The following SPIN1 variants were observed in gnomAD, a reference collection of about 807,000 sequenced individuals.
SPIN1 encodes spindlin 1.
In SPIN1, 3 loss-of-function variants were observed where a neutral mutation model predicts 26.0. That is an observed-to-expected ratio of 0.12 (90% CI 0.05 to 0.30). The LOEUF (loss-of-function observed/expected upper bound fraction) is 0.30. SPIN1 is among the 10% of genes least tolerant of loss of function. SPIN1 has a pLI of 1.00. For synonymous variants in SPIN1, 101 were observed against 116.5 expected, an observed-to-expected ratio of 0.87 and a Z score of 0.86; for missense variants, 126 against 333.4, an observed-to-expected ratio of 0.38 and a Z score of 4.84.
intron 3 of SPIN1, among the ~76,000 whole-genome samples, chr9:88,451,749 C>T (rs1357135289): frequency 1.3e-5 from 2 of 152,118 alleles, no homozygotes; most frequent in African/African-American, 2.4e-5. Context: ...TTAGTATAGA[C>T]AGGGTTTCAC....
At chr9:88,419,517 A>G (rs1481252636) in intron 1 of SPIN1, among the ~76,000 whole-genome samples, 1 of 152,202 alleles carries the variant, frequency 6.6e-6, no homozygotes, top group African/African-American at 2.4e-5. Flanking sequence ...AGAAGAAAAA[A>G]AAGAAAATTT....
intron 1 of SPIN1, among the ~76,000 whole-genome samples, chr9:88,424,883 A>G (rs1428928540): frequency 6.6e-6 from 1 of 152,190 alleles, no homozygotes; most frequent in Non-Finnish European, 1.5e-5. Context: ...ATGGAGGAAA[A>G]GAAGTAAAGC....
At chr9:88,444,862 T>C (rs1828212945) in intron 2 of SPIN1, among the ~76,000 whole-genome samples, 1 of 151,862 alleles carries the variant, frequency 6.6e-6, no homozygotes, top group African/African-American at 2.4e-5. Flanking sequence ...GGCTAATTTT[T>C]TTGTATTTTT....
chr9:88,457,350 G>A (rs1828491298), intron 3 of SPIN1, among the ~76,000 whole-genome samples: 2 of 151,960 alleles, frequency 1.3e-5, no homozygotes, highest in South Asian at 2.1e-4. Flanking sequence ...CCAACATGGC[G>A]AAACCCTGTC....
chr9:88,447,151 G>A (rs1245939713), intron 2 of SPIN1, among the ~76,000 whole-genome samples: 1 of 152,038 alleles, frequency 6.6e-6, no homozygotes, highest in South Asian at 2.1e-4. Flanking sequence ...GTATTGCTGT[G>A]TGTCAAGGTC....
chr9:88,471,516 G>A (rs533728430), intron 5 of SPIN1, among the ~76,000 whole-genome samples: 6 of 151,676 alleles, frequency 4.0e-5, no homozygotes, highest in Non-Finnish European at 8.8e-5. Context: ...TTAGCCAGGT[G>A]TGGTGGCAGG....
At chr9:88,425,351 C>T (rs1344586156) in intron 1 of SPIN1, among the ~76,000 whole-genome samples, 1 of 152,044 alleles carries the variant, frequency 6.6e-6, no homozygotes, top group Non-Finnish European at 1.5e-5. Context: ...AACAGACCTG[C>T]TGTATCTCTA....
At chr9:88,428,277 C>T (rs1827800122) in intron 2 of SPIN1, among the ~76,000 whole-genome samples, 1 of 152,132 alleles carries the variant, frequency 6.6e-6, no homozygotes, top group African/African-American at 2.4e-5. Flanking sequence ...TTGATGCTGT[C>T]ACCCAGATAG....
intron 2 of SPIN1, among the ~76,000 whole-genome samples, chr9:88,432,108 C>T (rs888381871): frequency 2.0e-5 from 3 of 151,976 alleles, no homozygotes; most frequent in African/African-American, 4.8e-5. Context: ...TTCTTCTTCT[C>T]TCTGAAATGC....
intron 1 of SPIN1, among the ~76,000 whole-genome samples, chr9:88,405,619 C>T (rs1224579748): frequency 1.4e-5 from 2 of 146,972 alleles, no homozygotes; most frequent in African/African-American, 5.2e-5. Context: ...CCTCATCTCA[C>T]TGCAGCCTCC....
chr9:88,444,358 A>T (rs1828201334), intron 2 of SPIN1, among the ~76,000 whole-genome samples: 2 of 147,920 alleles, frequency 1.4e-5, no homozygotes, highest in Non-Finnish European at 3.0e-5. Flanking sequence ...CTCCTGCCTC[A>T]GCCTCCCAAG....
chr9:88,413,800 T>C (rs560671779), intron 1 of SPIN1, among the ~76,000 whole-genome samples: 14 of 152,280 alleles, frequency 9.2e-5, no homozygotes, highest in African/African-American at 3.4e-4. Flanking sequence ...GGAACTTTAG[T>C]GAGCATTGTG....
Position 88,441,831 on chromosome 9 carries a change from T to C in SPIN1, c.53-7110T>C, listed in dbSNP as rs914879066. ...TTGTATTATAAAATATAAAATAATA[T>C]AAAATAAAAATATGTTACATATTTA... On this transcript the variant is annotated intron_variant, in intron 2 of 5. Transcript: ENST00000375859. Among the ~76,000 whole-genome samples, 57 of 148,482 alleles carry C rather than the reference T, an allele frequency of 3.8e-4. 1 individual carries two copies. Among genetic ancestry groups the C allele is most frequent in the Non-Finnish European group, 6.7e-4 (45 of 67,340 alleles).
At position 88,475,659 on chromosome 9, in the gene SPIN1, G is replaced by A. The variant is rs529187347; in HGVS notation, c.*382G>A. The A allele has an allele frequency of 5.1e-6, 1 of 194,370 alleles. No homozygotes were observed. The highest frequency in any genetic ancestry group is 2.3e-5 in the African/African-American group (1 of 42,664). 12.0% of individuals were successfully genotyped at this position (194,370 alleles called of 1,614,324 possible). On this transcript the variant is annotated 3_prime_UTR_variant, in exon 6 of 6. Transcript: ENST00000375859. Reference sequence around the variant, plus strand: ...TTTTCGTTATTGCCTTTTTTGAGATGTATGTATCTGTATCTACCTATATCT... The same window carrying A: ...TTTTCGTTATTGCCTTTTTTGAGATATATGTATCTGTATCTACCTATATCT...
intron 1 of SPIN1, among the ~76,000 whole-genome samples, chr9:88,416,449 C>G (rs1374771696): frequency 6.6e-6 from 1 of 152,150 alleles, no homozygotes; most frequent in Non-Finnish European, 1.5e-5. Flanking sequence ...CCTCAGCCTC[C>G]TGAACTGGAA....
intron 1 of SPIN1, among the ~76,000 whole-genome samples, chr9:88,400,919 G>A (rs1374439864): frequency 6.6e-6 from 1 of 152,086 alleles, no homozygotes; most frequent in Non-Finnish European, 1.5e-5. Flanking sequence ...AGGCTGAGGT[G>A]GGAGGATCAG....
chr9:88,440,947 C>G lies in SPIN1; in HGVS notation c.53-7994C>G, dbSNP rs1828110309. Among the ~76,000 whole-genome samples the G allele has an allele frequency of 2.0e-5, 3 of 151,524 alleles. 1 individual carries two copies. Among genetic ancestry groups the G allele is most frequent in the Admixed American group, 1.3e-4 (2 of 15,212 alleles). ...TTCTTACAAAAAACAAAAAACGCCCCCTCCCCAAGCCTACTTCGAAATAAT... is the reference window on the plus strand; with the variant it reads ...TTCTTACAAAAAACAAAAAACGCCCGCTCCCCAAGCCTACTTCGAAATAAT... On this transcript the variant is annotated intron_variant, in intron 2 of 5. Transcript: ENST00000375859.
At chr9:88,461,962 A>C (rs1828586144) in intron 3 of SPIN1, among the ~76,000 whole-genome samples, 1 of 152,242 alleles carries the variant, frequency 6.6e-6, no homozygotes, top group African/African-American at 2.4e-5. Context: ...ACTTCAGTTT[A>C]AGAGAAAATT....
intron 1 of SPIN1, chr9:88,418,900 T>A (rs1185281459): frequency 6.6e-6 from 1 of 152,198 alleles, no homozygotes; most frequent in Non-Finnish European, 1.5e-5. Flanking sequence ...TCCTCATGGT[T>A]GTGAGGAGTG....
Sources: gnomAD v4.1 joint callset for allele counts (sites outside exome capture counted in the v4.1 genomes callset) on GRCh38, gnomAD v4.1.1 for gene constraint, MANE v1.5 for transcripts, NCBI Gene and HGNC (gene_info 2026-07-23, HGNC 2026-07-21) for gene names.